Variants in OTOGL observed in about 807,000 individuals in gnomAD.
OTOGL encodes the protein otogelin like, also known as otogelin-like protein.
OTOGL carries 285 observed loss-of-function variants against 318.5 expected under a neutral mutation model. That is an observed-to-expected ratio of 0.89 (90% CI 0.81 to 0.99). The LOEUF (loss-of-function observed/expected upper bound fraction) is 0.99. Ranked by LOEUF, OTOGL falls within the 50% of genes least tolerant of loss-of-function variation. OTOGL has a pLI of 0.00. For missense variants in OTOGL, 2,899 were observed against 2,845.6 expected (o/e 1.02, Z -0.43); for synonymous variants, 987 against 936.5 (o/e 1.05, Z -0.99).
chr12:80,337,628 C>T (rs1888497888), intron 42 of OTOGL, among the ~76,000 whole-genome samples: 1 of 151,712 alleles, frequency 6.6e-6, no homozygotes, highest in Admixed American at 6.6e-5. Context: ...AACAGGAGTG[C>T]CTTATGAACT....
intron 1 of OTOGL, among the ~76,000 whole-genome samples, chr12:80,174,167 G>C (rs1015640879): frequency 6.6e-6 from 1 of 152,148 alleles, no homozygotes; most frequent in Admixed American, 6.6e-5. Context: ...CCCAGAATTA[G>C]AATACTGATC....
At chr12:80,308,051 T>C (rs867648563) in intron 29 of OTOGL, among the ~76,000 whole-genome samples, 40 of 97,970 alleles carry the variant, frequency 4.1e-4, no homozygotes, top group African/African-American at 8.1e-4. Context: ...GGGGGGCTGA[T>C]CCCCCCACCT....
rs114492099 is a variant in OTOGL at position 80,342,680 on chromosome 12, T to A, written c.5265+518T>A. ...AAATGACAAATACAGTATTTCATGA[T>A]CACTTAACTATAATTTAGTGAGCAT... On this transcript the variant is annotated intron_variant, in intron 44 of 58. Transcript: ENST00000547103. Among the ~76,000 whole-genome samples the A allele has an allele frequency of 3.3e-3, 501 of 152,302 alleles. 2 individuals are homozygous for A. Among genetic ancestry groups the A allele is most frequent in the African/African-American group, 0.011 (473 of 41,568 alleles).
chr12:80,341,668 GTCTTCTTTCTTAA>G (rs1348514366), intron 43 of OTOGL, among the ~76,000 whole-genome samples: 1 of 152,106 alleles, frequency 6.6e-6, no homozygotes, highest in Non-Finnish European at 1.5e-5. Flanking sequence ...CAGAATTAAT[GTCTTCTTTCTTAA>G]TCTTCTCTGA....
chr12:80,103,642 C>A (rs1418785521), intron 1 of OTOGL, among the ~76,000 whole-genome samples: 1 of 152,216 alleles, frequency 6.6e-6, no homozygotes, highest in Non-Finnish European at 1.5e-5. Flanking sequence ...TGTCCTGTCA[C>A]TGCTGTATAC....
At chr12:80,239,102 G>A (rs981914178) in intron 10 of OTOGL, 124 bp downstream of exon 10, 12 of 1,198,598 alleles carry the variant, frequency 1.0e-5, no homozygotes, top group Middle Eastern at 4.0e-4. Flanking sequence ...TCCAGGAAAT[G>A]TAATTGCAAT....
rs562663481 is a variant in OTOGL at position 80,239,655 on chromosome 12, G to A, written c.1052+216G>A. Among the ~76,000 whole-genome samples, 48 of 152,174 alleles carry A rather than the reference G, an allele frequency of 3.2e-4. No individual in the cohort carries two copies. The South Asian group carries it at 1.0e-2, about 32-fold the overall frequency. ...AGATGTACATATTTTCAGGGTATGT[G>A]TGATAATTTAATACATTCGTGTAAT... On this transcript the variant is annotated intron_variant, in intron 11 of 58. Coordinates refer to ENST00000547103, the MANE Select transcript of OTOGL (RefSeq NM_001378609.3).
chr12:80,139,160 G>A (rs1871765875), intron 1 of OTOGL, among the ~76,000 whole-genome samples: 1 of 152,136 alleles, frequency 6.6e-6, no homozygotes, highest in African/African-American at 2.4e-5. Flanking sequence ...ATGGCATAAA[G>A]GCTGACCTTG....
chr12:80,254,594 A>G (rs371966649), intron 15 of OTOGL, 24 bp downstream of exon 15: 169 of 1,586,254 alleles, frequency 1.1e-4, no homozygotes, highest in Middle Eastern at 1.7e-4. Context: ...ATGTTTTTAT[A>G]GAGAATGTTT....
intron 1 of OTOGL, among the ~76,000 whole-genome samples, chr12:80,203,416 A>G (rs1159855318): frequency 6.6e-6 from 1 of 151,764 alleles, no homozygotes; most frequent in Non-Finnish European, 1.5e-5. Flanking sequence ...CCTTAATCAT[A>G]TCTGTAAAGG....
At chr12:80,150,982 A>G (rs543769030) in intron 1 of OTOGL, among the ~76,000 whole-genome samples, 1 of 152,232 alleles carries the variant, frequency 6.6e-6, no homozygotes, top group Non-Finnish European at 1.5e-5. Flanking sequence ...GAAATTATAG[A>G]TAATAGGAAT....
Position 80,238,886 on chromosome 12 carries a change from A to G in OTOGL, c.853A>G (p.Ser285Gly). The G allele has an allele frequency of 1.9e-6, 3 of 1,575,008 alleles. No homozygotes were observed. The highest frequency in any genetic ancestry group is 2.6e-6 in the Non-Finnish European group (3 of 1,166,574). ...YTEDIAMFAN[S>G]WSVQTPDDTK... ...AGAAGACATCGCTATGTTTGCAAAT[A>G]GTTGGTCGGTGCAAACTCCAGATGA... The change falls in exon 10 of 59, where the codon AGT becomes GGT. Residue 285 changes from serine to glycine, a missense_variant. By Grantham distance (56) the Ser-to-Gly change is moderately conservative (BLOSUM62 0). Around this residue, in one of 3 missense-constraint regions of OTOGL, gnomAD observed 2,607 missense variants for 2,524.9 expected, o/e 1.03. Transcript: ENST00000547103.
chr12:80,305,263 A>G (rs1204830613), intron 28 of OTOGL, among the ~76,000 whole-genome samples: 1 of 152,168 alleles, frequency 6.6e-6, no homozygotes, highest in Non-Finnish European at 1.5e-5. Context: ...ATACACTCTC[A>G]TATGTACTGT....
intron 35 of OTOGL, among the ~76,000 whole-genome samples, chr12:80,325,256 C>A (rs535724427): frequency 6.6e-6 from 1 of 152,052 alleles, no homozygotes; most frequent in East Asian, 1.9e-4. Context: ...AGATCCAGCC[C>A]CTCTGTAAGA....
At chr12:80,126,722 T>C (rs1301525189) in intron 1 of OTOGL, among the ~76,000 whole-genome samples, 1 of 152,216 alleles carries the variant, frequency 6.6e-6, no homozygotes, top group Non-Finnish European at 1.5e-5. Context: ...ATCTGGGTGC[T>C]CTTGTATTGG....
intron 1 of OTOGL, among the ~76,000 whole-genome samples, chr12:80,206,688 T>TTTA (rs1447338127): frequency 6.9e-6 from 1 of 145,756 alleles, no homozygotes; most frequent in Non-Finnish European, 1.5e-5. Context: ...TGTTTTGTAT[T>TTTA]TTTTTTTTTT....
Position 80,305,668 on chromosome 12 carries a change from A to G in OTOGL, c.3306A>G (p.Val1102=), listed in dbSNP as rs1250535765. The G allele has an allele frequency of 3.2e-6, 5 of 1,573,280 alleles. No individual in the cohort carries two copies. The highest frequency in any genetic ancestry group is 1.7e-6 in the Non-Finnish European group (2 of 1,170,136). ...SNNLEVRNAR[V]FGDSWALGQC... Reference sequence around the variant, plus strand: ...ACTTGGAAGTGAGAAATGCTCGGGTATTTGGAGATAGTTGGGCATTAGGAC... The same window carrying G: ...ACTTGGAAGTGAGAAATGCTCGGGTGTTTGGAGATAGTTGGGCATTAGGAC... Residue 1102 remains valine, a synonymous_variant, in exon 29 of 59, where the codon GTA becomes GTG. Coordinates refer to ENST00000547103, the MANE Select transcript of OTOGL (RefSeq NM_001378609.3).
chr12:80,133,663 A>G (rs892783444), intron 1 of OTOGL: 35 of 149,510 alleles, frequency 2.3e-4, no homozygotes, highest in African/African-American at 8.3e-4. Flanking sequence ...TGTGATCAAG[A>G]AAAAAAAAAG....
chr12:80,302,839 T>C (rs1455236245), intron 28 of OTOGL, 56 bp downstream of exon 28: 2 of 1,276,984 alleles, frequency 1.6e-6, no homozygotes, highest in Non-Finnish European at 2.0e-6. Flanking sequence ...ATTTAGTTTT[T>C]GATGTTTGAT....
Sources: allele counts gnomAD v4.1 joint callset (sites outside exome capture counted in the v4.1 genomes callset), GRCh38; gene constraint gnomAD v4.1.1; regional missense constraint gnomAD v4.1.1; transcripts MANE v1.5; gene names NCBI Gene and HGNC (gene_info 2026-07-23, HGNC 2026-07-21).